The following GALNT17 variants were observed in gnomAD, a reference collection of about 807,000 sequenced individuals.
The protein encoded by GALNT17 is UDP-GalNAc:polypeptide N-acetylgalactosaminyltransferase-like 3.
In GALNT17, 29 loss-of-function variants were observed where a neutral mutation model predicts 63.7. The ratio of observed to expected loss-of-function variants is 0.46; its 90% CI spans 0.34 to 0.62. The LOEUF (loss-of-function observed/expected upper bound fraction) is 0.62. Ranked by LOEUF, GALNT17 falls within the 20% of genes least tolerant of loss-of-function variation. GALNT17 has a pLI of 0.01. For synonymous variants in GALNT17, 305 were observed against 318.3 expected, an observed-to-expected ratio of 0.96 and a Z score of 0.45; for missense variants, 603 against 799.6, an observed-to-expected ratio of 0.75 and a Z score of 2.97.
At chr7:71,458,760 C>T (rs958325891) in intron 5 of GALNT17, among the ~76,000 whole-genome samples, 1 of 152,170 alleles carries the variant, frequency 6.6e-6, no homozygotes, top group African/African-American at 2.4e-5. Flanking sequence ...CCTCTCCAAC[C>T]GTCCCCAGCT....
rs1403273224 is a variant in GALNT17 at position 71,677,270 on chromosome 7, A to T, written c.1464A>T (p.Thr488=). The change falls in exon 9 of 11, where the codon ACA becomes ACT. Residue 488 remains threonine, a synonymous_variant. Transcript: ENST00000333538. ...ACCAGGGGCCGCTGGAGAACCACAC[A>T]GCAATATTGTATCCGTGCCATGGCT... is the stretch of plus-strand genomic sequence containing the variant. ...CLDQGPLENH[T]AILYPCHGWG... is the part of the protein sequence containing the mutation. 1.2e-6 allele frequency: 2 copies of T among 1,613,890 alleles called. No homozygotes were observed. The highest frequency in any genetic ancestry group is 1.7e-6 in the Non-Finnish European group (2 of 1,179,974).
At position 71,415,958 on chromosome 7, in the gene GALNT17, A is replaced by C; in HGVS notation, c.659A>C (p.Asn220Thr). Residue 220 changes from asparagine (N) to threonine (T), a missense_variant, in exon 4 of 11, where the codon AAT becomes ACT. Coordinates refer to ENST00000333538, the MANE Select transcript of GALNT17 (RefSeq NM_022479.3). The part of the protein sequence containing the change: ...RYPGLVKVVR[N>T]QKREGLIRAR... Reference sequence around the variant, plus strand: ...CCCGGGCTGGTGAAGGTGGTAAGAAATCAGAAGAGGGAAGGCCTGATCCGC... The same window carrying C: ...CCCGGGCTGGTGAAGGTGGTAAGAACTCAGAAGAGGGAAGGCCTGATCCGC... 1 of 1,613,852 alleles carries C rather than the reference A, an allele frequency of 6.2e-7. No homozygotes were observed.
intron 9 of GALNT17, among the ~76,000 whole-genome samples, chr7:71,701,894 T>TATAC (rs1562742666): frequency 8.3e-6 from 1 of 121,018 alleles, no homozygotes; most frequent in Non-Finnish European, 1.7e-5. Context: ...TATATATATA[T>TATAC]ACACATATAT....
At chr7:71,362,601 C>T (rs904103558) in intron 2 of GALNT17, among the ~76,000 whole-genome samples, 2 of 152,172 alleles carry the variant, frequency 1.3e-5, no homozygotes, top group African/African-American at 4.8e-5. Context: ...CCTAAGGGAA[C>T]GCATCCCACG....
intron 2 of GALNT17, among the ~76,000 whole-genome samples, chr7:71,377,476 G>A (rs1217203748): frequency 6.6e-6 from 1 of 152,046 alleles, no homozygotes; most frequent in Non-Finnish European, 1.5e-5. Flanking sequence ...CATGGTGTTG[G>A]GGGAGACTCA....
Position 71,710,521 on chromosome 7 carries a change from A to G in GALNT17, c.1501-240A>G, listed in dbSNP as rs1049092819. On this transcript the variant is annotated intron_variant, in intron 9 of 10. Coordinates refer to ENST00000333538, the MANE Select transcript of GALNT17 (RefSeq NM_022479.3). ...AGACTCCATCTCAAAGAAAAAAGGA[A>G]AAAAGATCAGAGAGTTGCCCTGGGG... 4.6e-5 allele frequency among the ~76,000 whole-genome samples: 7 copies of G among 152,168 alleles called. No individual in the cohort carries two copies. The East Asian group carries it at 1.2e-3, about 25-fold the overall frequency.
intron 8 of GALNT17, among the ~76,000 whole-genome samples, chr7:71,673,517 T>A (rs1053297483): frequency 2.0e-5 from 3 of 152,218 alleles, no homozygotes; most frequent in Non-Finnish European, 4.4e-5. Context: ...GGGTAGTAAG[T>A]AGGACTTTGG....
At chr7:71,207,816 C>T (rs548267405) in intron 1 of GALNT17, among the ~76,000 whole-genome samples, 9 of 152,034 alleles carry the variant, frequency 5.9e-5, no homozygotes, top group African/African-American at 1.4e-4. Context: ...AAATGGAGTT[C>T]GTTGAAGGTG....
intron 5 of GALNT17, among the ~76,000 whole-genome samples, chr7:71,436,448 G>T (rs181292219): frequency 1.6e-4 from 24 of 152,006 alleles, no homozygotes; most frequent in African/African-American, 5.6e-4. Flanking sequence ...GGCTGGGCAC[G>T]GTGACTCACG....
intron 1 of GALNT17, among the ~76,000 whole-genome samples, chr7:71,181,292 T>C (rs1015709559): frequency 6.6e-6 from 1 of 151,164 alleles, no homozygotes; most frequent in African/African-American, 2.4e-5. Flanking sequence ...ACCGCAATTA[T>C]TTGTGCACCA....
At chr7:71,453,943 CT>C (rs1158266586) in intron 5 of GALNT17, among the ~76,000 whole-genome samples, 1 of 152,178 alleles carries the variant, frequency 6.6e-6, no homozygotes, top group African/African-American at 2.4e-5. Context: ...CTTCCAAGAG[CT>C]TTTCTCACTG....
At chr7:71,542,256 A>C (rs895455539) in intron 5 of GALNT17, among the ~76,000 whole-genome samples, 1 of 152,104 alleles carries the variant, frequency 6.6e-6, no homozygotes, top group Non-Finnish European at 1.5e-5. Flanking sequence ...TAAACAGAAC[A>C]CTTCTAGGAA....
intron 6 of GALNT17, among the ~76,000 whole-genome samples, chr7:71,578,003 A>ACATT (rs1253266146): frequency 3.3e-4 from 43 of 132,240 alleles, no homozygotes; most frequent in Non-Finnish European, 5.8e-4. Context: ...GGGGTTGTTT[A>ACATT]CATTTATTTA....
chr7:71,364,943 T>TATTTTTTTC (rs1792475823), intron 2 of GALNT17, among the ~76,000 whole-genome samples: 1 of 152,040 alleles, frequency 6.6e-6, no homozygotes, highest in Non-Finnish European at 1.5e-5. Context: ...TTATTATTTT[T>TATTTTTTTC]ATTTTGAGAT....
intron 5 of GALNT17, among the ~76,000 whole-genome samples, chr7:71,537,654 A>G (rs1265270376): frequency 6.6e-6 from 1 of 152,100 alleles, no homozygotes; most frequent in East Asian, 1.9e-4. Context: ...TGTGCTAAAA[A>G]TACAAAAATT....
At chr7:71,279,392 C>T (rs761275316) in intron 1 of GALNT17, among the ~76,000 whole-genome samples, 1 of 152,060 alleles carries the variant, frequency 6.6e-6, no homozygotes, top group Non-Finnish European at 1.5e-5. Context: ...TTACCTCCCA[C>T]TGGGTCCCTC....
At chr7:71,628,324 T>A (rs1790405554) in intron 6 of GALNT17, among the ~76,000 whole-genome samples, 1 of 152,162 alleles carries the variant, frequency 6.6e-6, no homozygotes, top group Non-Finnish European at 1.5e-5. Context: ...TGCTTTTTTT[T>A]ATTTTTTATT....
At chr7:71,707,168 TA>T (rs1312431403) in intron 9 of GALNT17, among the ~76,000 whole-genome samples, 1 of 150,116 alleles carries the variant, frequency 6.7e-6, no homozygotes, top group Admixed American at 6.7e-5. Flanking sequence ...TATTTTTTTT[TA>T]ATTTATTAGG....
At chr7:71,171,576 G>C (rs780839802) in intron 1 of GALNT17, among the ~76,000 whole-genome samples, 1 of 152,200 alleles carries the variant, frequency 6.6e-6, no homozygotes, top group Non-Finnish European at 1.5e-5. Context: ...CACCGTAATG[G>C]AATTTGTTGT....
Sources: allele counts gnomAD v4.1 joint callset (sites outside exome capture counted in the v4.1 genomes callset), GRCh38; gene constraint gnomAD v4.1.1; transcripts MANE v1.5; gene names NCBI Gene and HGNC (gene_info 2026-07-23, HGNC 2026-07-21).